Variants in NBAS observed in about 807,000 individuals in gnomAD.
The protein encoded by NBAS is NBAS subunit of NRZ tethering complex.
Under a neutral mutation model 302.5 loss-of-function variants are expected in NBAS, and 219 were observed. The ratio of observed to expected loss-of-function variants is 0.72; its 90% CI spans 0.65 to 0.81. The LOEUF is 0.81. Ranked by LOEUF, NBAS falls within the 30% of genes least tolerant of loss-of-function variation. NBAS has a pLI of 0.00. For missense variants in NBAS, 2,932 were observed against 2,841.6 expected (o/e 1.03, Z -0.72); for synonymous variants, 1,118 against 1,021.6 (o/e 1.09, Z -1.80).
At chr2:15,143,487 GA>G in the NBAS span, among the ~76,000 whole-genome samples, 2 of 152,164 alleles carry the variant, frequency 1.3e-5, no homozygotes, top group Non-Finnish European at 2.9e-5. Flanking sequence ...AAACAACTTA[GA>G]AACAAGGGCA....
intron 48 of NBAS, among the ~76,000 whole-genome samples, chr2:15,190,785 C>T (rs1180759869): frequency 6.6e-6 from 1 of 152,110 alleles, no homozygotes; most frequent in Admixed American, 6.5e-5. Context: ...ACATGAAATC[C>T]TAATTTTCAT....
At chr2:15,101,887 C>T in the NBAS span, among the ~76,000 whole-genome samples, 2 of 152,210 alleles carry the variant, frequency 1.3e-5, no homozygotes, top group Non-Finnish European at 1.5e-5. Context: ...CCGCATTTCC[C>T]CACTTTCTGA....
intron 48 of NBAS, among the ~76,000 whole-genome samples, chr2:15,206,415 A>T (rs1666146341): frequency 6.6e-6 from 1 of 151,922 alleles, no homozygotes; most frequent in African/African-American, 2.4e-5. Flanking sequence ...TTGCAGCCTG[A>T]CCATGTGGTA....
At chr2:15,084,820 A>G in the NBAS span, among the ~76,000 whole-genome samples, 2 of 152,228 alleles carry the variant, frequency 1.3e-5, no homozygotes, top group Non-Finnish European at 2.9e-5. Flanking sequence ...GGCAACGTGA[A>G]GCAAAACAAA....
intron 12 of NBAS, among the ~76,000 whole-genome samples, chr2:15,485,570 A>G (rs1248474278): frequency 3.3e-5 from 5 of 152,248 alleles, no homozygotes; most frequent in Admixed American, 2.0e-4. Context: ...TTGTTGCACA[A>G]CCATAGGACA....
At chr2:14,995,214 C>A in the NBAS span, among the ~76,000 whole-genome samples, 1 of 152,234 alleles carries the variant, frequency 6.6e-6, no homozygotes, top group South Asian at 2.1e-4. Flanking sequence ...TCCCCCCTGC[C>A]CCCACTCCAC....
chr2:15,401,546 T>C (rs1676153039), intron 26 of NBAS, among the ~76,000 whole-genome samples: 1 of 152,120 alleles, frequency 6.6e-6, no homozygotes, highest in Admixed American at 6.5e-5. Context: ...CTGCTGGTAT[T>C]CACCACTCTT....
At chr2:15,094,542 G>T in the NBAS span, among the ~76,000 whole-genome samples, 1 of 152,208 alleles carries the variant, frequency 6.6e-6, no homozygotes, top group Non-Finnish European at 1.5e-5. Context: ...GCCTGGGGCT[G>T]AATCAATTTT....
At chr2:15,028,136 G>T in the NBAS span, among the ~76,000 whole-genome samples, 2 of 152,212 alleles carry the variant, frequency 1.3e-5, no homozygotes, top group South Asian at 2.1e-4. Context: ...ATAATTAAAG[G>T]TCTATCATTG....
chr2:15,270,838 T>G (rs1219334466), intron 44 of NBAS, among the ~76,000 whole-genome samples: 3 of 152,214 alleles, frequency 2.0e-5, no homozygotes, highest in Non-Finnish European at 4.4e-5. Context: ...ATACCATATA[T>G]GGCACATAGC....
At chr2:14,985,892 G>C in the NBAS span, among the ~76,000 whole-genome samples, 1 of 152,162 alleles carries the variant, frequency 6.6e-6, no homozygotes, top group Non-Finnish European at 1.5e-5. Context: ...ATGTCATATA[G>C]TGGGTGCACT....
chr2:15,028,395 G>A, the NBAS span, among the ~76,000 whole-genome samples: 1 of 152,196 alleles, frequency 6.6e-6, no homozygotes, highest in Admixed American at 6.5e-5. Context: ...ATTATCTAAT[G>A]TGTTTAGAAA....
chr2:15,350,558 A>T (rs1315749578), intron 35 of NBAS, among the ~76,000 whole-genome samples: 1 of 152,212 alleles, frequency 6.6e-6, no homozygotes, highest in African/African-American at 2.4e-5. Context: ...AAAAGAAGAC[A>T]GGTTTCAGGG....
At chr2:15,429,280 G>A (rs556993449) in intron 21 of NBAS, among the ~76,000 whole-genome samples, 4 of 152,220 alleles carry the variant, frequency 2.6e-5, no homozygotes, top group Admixed American at 1.3e-4. Context: ...TCTGAATTAA[G>A]AATAAAGACA....
At chr2:15,038,392 C>T in the NBAS span, among the ~76,000 whole-genome samples, 68 of 152,182 alleles carry the variant, frequency 4.5e-4, 1 homozygote, top group Non-Finnish European at 6.8e-4. Context: ...ATTACAAGCA[C>T]GAGCCACCAC....
chr2:15,305,462 T>G (rs1670990128), intron 40 of NBAS, among the ~76,000 whole-genome samples: 8 of 151,262 alleles, frequency 5.3e-5, no homozygotes, highest in Admixed American at 5.3e-4. Context: ...TTTTTTTTTT[T>G]TTTTTTTTAG....
At chr2:15,429,839 T>C (rs1215345479) in intron 21 of NBAS, among the ~76,000 whole-genome samples, 1 of 152,220 alleles carries the variant, frequency 6.6e-6, no homozygotes. Context: ...AACCATACTA[T>C]TTCATTTGTC....
At chr2:15,485,957 G>C (rs1434264605) in intron 12 of NBAS, among the ~76,000 whole-genome samples, 1 of 152,124 alleles carries the variant, frequency 6.6e-6, no homozygotes, top group Non-Finnish European at 1.5e-5. Context: ...TTCCCTACTT[G>C]GGACCAAAAC....
chr2:15,039,478 C>T, the NBAS span, among the ~76,000 whole-genome samples: 1 of 152,152 alleles, frequency 6.6e-6, no homozygotes, highest in African/African-American at 2.4e-5. Context: ...GATTAAGGGC[C>T]TCTGGAAATT....
Sources: gnomAD v4.1 joint callset for allele counts (sites outside exome capture counted in the v4.1 genomes callset) on GRCh38, gnomAD v4.1.1 for gene constraint, MANE v1.5 for transcripts, NCBI Gene and HGNC (gene_info 2026-07-23, HGNC 2026-07-21) for gene names.